Variants in TLN2 observed in about 807,000 individuals in gnomAD.
TLN2 encodes talin-2.
A neutral mutation model predicts 294.7 loss-of-function variants in TLN2; 118 were observed. That is an observed-to-expected ratio of 0.40 (90% CI 0.34 to 0.47). The LOEUF (loss-of-function observed/expected upper bound fraction) is 0.47. Ranked by LOEUF, TLN2 falls within the 20% of genes least tolerant of loss-of-function variation. TLN2 has a pLI of 0.84. For missense variants in TLN2, 3,083 were observed against 3,282.2 expected (o/e 0.94, Z 1.48); for synonymous variants, 1,431 against 1,304.5 (o/e 1.10, Z -2.09).
intron 9 of TLN2, among the ~76,000 whole-genome samples, chr15:62,665,744 A>G: frequency 6.6e-6 from 1 of 152,216 alleles, no homozygotes; most frequent in Non-Finnish European, 1.5e-5. Flanking sequence ...CTTTTGACCC[A>G]GTAGGAGGTC....
chr15:62,839,218 A>C (rs1026484773), intron 58 of TLN2, among the ~76,000 whole-genome samples: 2 of 152,124 alleles, frequency 1.3e-5, no homozygotes, highest in Non-Finnish European at 1.5e-5. Context: ...TCAACTTTCC[A>C]TGTGGCAGGA....
chr15:62,611,999 T>C (rs2047956893), intron 2 of TLN2, among the ~76,000 whole-genome samples: 1 of 152,224 alleles, frequency 6.6e-6, no homozygotes, highest in African/African-American at 2.4e-5. Context: ...CATGATTTTA[T>C]GTAAAGTACA....
intron 2 of TLN2, among the ~76,000 whole-genome samples, chr15:62,599,583 C>T (rs1596304019): frequency 6.6e-6 from 1 of 152,180 alleles, no homozygotes; most frequent in East Asian, 1.9e-4. Flanking sequence ...AACCGTTCAT[C>T]AAGAGAGGGA....
intron 1 of TLN2, among the ~76,000 whole-genome samples, chr15:62,485,504 C>T (rs1417740771): frequency 6.6e-6 from 1 of 152,200 alleles, no homozygotes; most frequent in Admixed American, 6.5e-5. Flanking sequence ...GAACAGGAGT[C>T]ATCCCTTCCC....
chr15:62,497,213 A>G (rs920929523), intron 1 of TLN2, among the ~76,000 whole-genome samples: 3 of 152,196 alleles, frequency 2.0e-5, no homozygotes, highest in African/African-American at 7.2e-5. Flanking sequence ...TGGATGAATG[A>G]GTGGGGCTGA....
intron 12 of TLN2, among the ~76,000 whole-genome samples, chr15:62,691,184 CTA>C (rs539417392): frequency 5.3e-5 from 8 of 152,264 alleles, no homozygotes; most frequent in Non-Finnish European, 1.0e-4. Flanking sequence ...TTCAGCTACT[CTA>C]TTTTTATCCA....
intron 1 of TLN2, among the ~76,000 whole-genome samples, chr15:62,524,095 A>C (rs2040607090): frequency 6.6e-6 from 1 of 152,248 alleles, no homozygotes; most frequent in African/African-American, 2.4e-5. Flanking sequence ...TTTTGTAAAC[A>C]TAAATCCCAA....
intron 3 of TLN2, among the ~76,000 whole-genome samples, chr15:62,623,643 A>G (rs142065087): frequency 2.0e-4 from 31 of 152,318 alleles, no homozygotes; most frequent in Non-Finnish European, 1.5e-4. Context: ...TACTGTTAAC[A>G]TTTATTTTGC....
At chr15:62,732,376 T>C (rs1218279947) in intron 28 of TLN2, among the ~76,000 whole-genome samples, 2 of 152,158 alleles carry the variant, frequency 1.3e-5, no homozygotes, top group African/African-American at 4.8e-5. Context: ...GAGCACTGCA[T>C]GTATGATGCC....
chr15:62,442,659 G>GA (rs568124222), intron 1 of TLN2, among the ~76,000 whole-genome samples: 21 of 149,570 alleles, frequency 1.4e-4, no homozygotes, highest in African/African-American at 3.4e-4. Context: ...TGAGATAATA[G>GA]AAAAAAAAAA....
chr15:62,776,933 T>C, intron 43 of TLN2, 23 bp downstream of exon 43: 2 of 1,474,092 alleles, frequency 1.4e-6, no homozygotes, highest in Non-Finnish European at 1.8e-6. Flanking sequence ...TCTAGGGCTC[T>C]CTACTCCCTT....
At chr15:62,484,025 G>T (rs1000643457) in intron 1 of TLN2, among the ~76,000 whole-genome samples, 2 of 152,206 alleles carry the variant, frequency 1.3e-5, no homozygotes, top group Admixed American at 6.5e-5. Flanking sequence ...TTCCCAGGGT[G>T]AAGTTTGGGC....
intron 16 of TLN2, among the ~76,000 whole-genome samples, chr15:62,699,118 C>T (rs2058549263): frequency 6.6e-6 from 1 of 152,150 alleles, no homozygotes; most frequent in Non-Finnish European, 1.5e-5. Context: ...GACCTGGGTT[C>T]AAACACCAGC....
intron 1 of TLN2, among the ~76,000 whole-genome samples, chr15:62,417,686 T>G (rs920431134): frequency 6.6e-6 from 1 of 152,190 alleles, no homozygotes. Context: ...AAGAAAAGCT[T>G]CTCAGGGCTA....
At chr15:62,809,644 AAATG>A (rs1291640812) in intron 51 of TLN2, among the ~76,000 whole-genome samples, 3 of 152,208 alleles carry the variant, frequency 2.0e-5, no homozygotes, top group African/African-American at 7.2e-5. Flanking sequence ...CATTTCAAAA[AAATG>A]TGGGGTGGGA....
At chr15:62,488,977 A>G (rs904138543) in intron 1 of TLN2, among the ~76,000 whole-genome samples, 2 of 152,198 alleles carry the variant, frequency 1.3e-5, no homozygotes, top group Admixed American at 1.3e-4. Context: ...CCTGGCCAAT[A>G]TGGTGAAACC....
At chr15:62,742,864 A>G (rs1393008251) in intron 32 of TLN2, among the ~76,000 whole-genome samples, 1 of 152,162 alleles carries the variant, frequency 6.6e-6, no homozygotes, top group Non-Finnish European at 1.5e-5. Context: ...AGCCAGGTCA[A>G]GAGGGTCAGG....
At chr15:62,644,248 A>G (rs776106647) in intron 3 of TLN2, among the ~76,000 whole-genome samples, 1 of 150,694 alleles carries the variant, frequency 6.6e-6, no homozygotes, top group Non-Finnish European at 1.5e-5. Context: ...GTGACCAGCA[A>G]TGGGTACATG....
chr15:62,504,296 G>A (rs1048911590), intron 1 of TLN2, among the ~76,000 whole-genome samples: 2 of 152,212 alleles, frequency 1.3e-5, no homozygotes, highest in Non-Finnish European at 2.9e-5. Flanking sequence ...AGAAGGGGGT[G>A]TATGTGTTTG....
Sources: gnomAD v4.1 joint callset for allele counts (sites outside exome capture counted in the v4.1 genomes callset) on GRCh38, gnomAD v4.1.1 for gene constraint, MANE v1.5 for transcripts, NCBI Gene and HGNC (gene_info 2026-07-23, HGNC 2026-07-21) for gene names.